KANK4: variants seen among roughly 807,000 people sequenced by gnomAD.
KANK4 encodes KN motif and ankyrin repeat domains 4, also known as KN motif and ankyrin repeat domain-containing protein 4.
A neutral mutation model predicts 80.8 loss-of-function variants in KANK4; 50 were observed. That is an observed-to-expected ratio of 0.62 (90% CI 0.49 to 0.78). The LOEUF is 0.78. KANK4 is among the 30% of genes least tolerant of loss of function. KANK4 has a pLI of 0.00. For synonymous variants in KANK4, 465 were observed against 506.9 expected (o/e 0.92, Z 1.11); for missense variants, 1,196 against 1,240.1 (o/e 0.96, Z 0.53).
chr1:62,249,360 G>T (rs931928403), intron 8 of KANK4, among the ~76,000 whole-genome samples: 7 of 90,462 alleles, frequency 7.7e-5, no homozygotes, highest in African/African-American at 3.1e-4. Context: ...GTGTGTGCGT[G>T]TGTGTATATA....
At chr1:62,238,451 G>T in intron 9 of KANK4, 70 bp from the exon 10 acceptor site, 2 of 1,345,660 alleles carry the variant, frequency 1.5e-6, no homozygotes, top group South Asian at 1.2e-5. Flanking sequence ...AGAAGGGCAA[G>T]TTGGGAGTAG....
Position 62,284,029 on chromosome 1 carries a change from G to A in KANK4, c.-70-2395C>T, listed in dbSNP as rs141433120. Among the ~76,000 whole-genome samples the A allele has an allele frequency of 5.4e-4, 82 of 152,124 alleles. 1 individual carries two copies. The highest frequency in any genetic ancestry group is 1.9e-4 in the East Asian group (1 of 5,166). ...CCAACTCTCAAAGGAGGGGTTTCTCGGCAACTTTTTACTCTAAAGGGCTCA... is the reference window on the plus strand; with the variant it reads ...CCAACTCTCAAAGGAGGGGTTTCTCAGCAACTTTTTACTCTAAAGGGCTCA... On this transcript the variant is annotated intron_variant, in intron 1 of 9. Transcript: ENST00000371153.
At chr1:62,242,612 A>G (rs1362874586) in intron 9 of KANK4, among the ~76,000 whole-genome samples, 1 of 152,184 alleles carries the variant, frequency 6.6e-6, no homozygotes, top group East Asian at 1.9e-4. Context: ...TGGGTGGCAG[A>G]TTTCCTCAAA....
chr1:62,242,937 G>A (rs1036242155), intron 9 of KANK4, among the ~76,000 whole-genome samples: 2 of 152,114 alleles, frequency 1.3e-5, no homozygotes, highest in African/African-American at 4.8e-5. Context: ...CCTGTGGATG[G>A]AGACACTGTG....
chr1:62,286,615 A>G (rs1213980831), intron 1 of KANK4, among the ~76,000 whole-genome samples: 1 of 152,180 alleles, frequency 6.6e-6, no homozygotes, highest in East Asian at 1.9e-4. Flanking sequence ...GCTATAATTA[A>G]TTATGAGCTT....
At chr1:62,285,715 G>A (rs987445497) in intron 1 of KANK4, among the ~76,000 whole-genome samples, 1 of 151,866 alleles carries the variant, frequency 6.6e-6, no homozygotes. Flanking sequence ...ATTTAGCAAG[G>A]TAGTTCACCA....
At chr1:62,249,763 G>A (rs1671567764) in intron 8 of KANK4, among the ~76,000 whole-genome samples, 1 of 151,922 alleles carries the variant, frequency 6.6e-6, no homozygotes, top group South Asian at 2.1e-4. Context: ...GGCTGGTCTT[G>A]AACTCCTGAC....
intron 9 of KANK4, among the ~76,000 whole-genome samples, chr1:62,244,849 C>T (rs1253680477): frequency 6.6e-6 from 1 of 152,172 alleles, no homozygotes; most frequent in Non-Finnish European, 1.5e-5. Flanking sequence ...AGCCACTGCA[C>T]CTGGCCTCAT....
intron 1 of KANK4, among the ~76,000 whole-genome samples, chr1:62,286,164 G>A (rs183653106): frequency 1.3e-5 from 2 of 152,364 alleles, no homozygotes; most frequent in African/African-American, 4.8e-5. Context: ...ACGAAGAAGA[G>A]AAAACAGTCG....
chr1:62,250,440 C>A (rs531386455), intron 8 of KANK4, among the ~76,000 whole-genome samples: 62 of 152,298 alleles, frequency 4.1e-4, no homozygotes, highest in African/African-American at 1.4e-3. Flanking sequence ...CTATATGCTG[C>A]TGCATTGCCC....
At position 62,319,225 on chromosome 1, in the gene KANK4, G is replaced by C. The variant is rs1214451222; in HGVS notation, c.-190C>G. ...TCCGGGTGCACTGTCCGCGTCCCAG[G>C]CGCGCACCCCGGGGCTGGCGCACCC... On this transcript the variant is annotated 5_prime_UTR_variant, in exon 1 of 10. Transcript: ENST00000371153. 1 of 152,044 alleles carries C rather than the reference G, an allele frequency of 6.6e-6. No homozygotes were observed. The highest frequency in any genetic ancestry group is 1.5e-5 in the Non-Finnish European group (1 of 67,984). 9.4% of individuals were successfully genotyped at this position (152,044 alleles called of 1,614,324 possible).
intron 7 of KANK4, among the ~76,000 whole-genome samples, chr1:62,257,465 G>A (rs1483886886): frequency 6.6e-6 from 1 of 152,204 alleles, no homozygotes; most frequent in Non-Finnish European, 1.5e-5. Context: ...GGTGACAGAG[G>A]AGCAAGGCTC....
At chr1:62,256,100 T>C (rs1671745980) in intron 7 of KANK4, among the ~76,000 whole-genome samples, 1 of 152,222 alleles carries the variant, frequency 6.6e-6, no homozygotes, top group Admixed American at 6.5e-5. Context: ...TTAGTGTTAG[T>C]GTATTTTATG....
At chr1:62,300,839 G>A (rs949708872) in intron 1 of KANK4, among the ~76,000 whole-genome samples, 1 of 152,056 alleles carries the variant, frequency 6.6e-6, no homozygotes. Flanking sequence ...ATGAACAACT[G>A]ACTTCAAGAG....
intron 9 of KANK4, among the ~76,000 whole-genome samples, chr1:62,243,541 G>A (rs987531357): frequency 1.3e-5 from 2 of 152,052 alleles, no homozygotes; most frequent in African/African-American, 4.8e-5. Flanking sequence ...GTTTCAAAAT[G>A]TTGGCCAGGC....
chr1:62,312,651 C>T (rs1644506878), intron 1 of KANK4, among the ~76,000 whole-genome samples: 1 of 152,260 alleles, frequency 6.6e-6, no homozygotes. Context: ...AGGAGGACCC[C>T]TGCCACAGTG....
intron 9 of KANK4, among the ~76,000 whole-genome samples, chr1:62,240,535 G>A (rs937547931): frequency 1.3e-5 from 2 of 152,160 alleles, no homozygotes; most frequent in African/African-American, 4.8e-5. Flanking sequence ...CTGGCGTGGT[G>A]GCACATGTCT....
intron 1 of KANK4, among the ~76,000 whole-genome samples, chr1:62,305,651 T>C (rs1644445704): frequency 6.6e-6 from 1 of 151,776 alleles, no homozygotes; most frequent in Non-Finnish European, 1.5e-5. Context: ...GAAAGGAGGA[T>C]TTTAAGCTCC....
chr1:62,247,631 CCTGTCGTGG>C lies in KANK4; in HGVS notation c.2715_2723del (p.Ser905_Asp907del). ...TAAGCAGCGCTTGAACCATGTCCTC[CCTGTCGTGG>C]CTGACTCCCAGCATCAGCGCAGTCT... On this transcript the variant is annotated inframe_deletion, in exon 9 of 10. Coordinates refer to ENST00000371153, the MANE Select transcript of KANK4 (RefSeq NM_181712.5). The C allele has an allele frequency of 1.2e-6, 2 of 1,613,996 alleles. No homozygotes were observed. Among genetic ancestry groups the C allele is most frequent in the Non-Finnish European group, 1.7e-6 (2 of 1,180,034 alleles).
Sources: gnomAD v4.1 joint callset for allele counts (sites outside exome capture counted in the v4.1 genomes callset) on GRCh38, gnomAD v4.1.1 for gene constraint, MANE v1.5 for transcripts, NCBI Gene and HGNC (gene_info 2026-07-23, HGNC 2026-07-21) for gene names.